The following MTMR3 variants were observed in gnomAD, a reference collection of about 807,000 sequenced individuals.
The protein encoded by MTMR3 is phosphatidylinositol-3,5-bisphosphate 3-phosphatase MTMR3.
A neutral mutation model predicts 132.4 loss-of-function variants in MTMR3; 32 were observed. The ratio of observed to expected loss-of-function variants is 0.24; its 90% CI spans 0.18 to 0.32. The LOEUF (loss-of-function observed/expected upper bound fraction) is 0.32, where lower values mean the gene tolerates loss of function less well. Among genes scored for constraint, MTMR3 ranks in the 10% least tolerant of loss-of-function variants. The pLI, the probability that MTMR3 is intolerant of heterozygous loss-of-function variation, is 1.00. For synonymous variants in MTMR3, 556 were observed against 550.3 expected (o/e 1.01, Z -0.14); for missense variants, 1,216 against 1,489.6 (o/e 0.82, Z 3.02).
chr22:29,970,403 A>T (rs2066509089), intron 2 of MTMR3, among the ~76,000 whole-genome samples: 2 of 151,810 alleles, frequency 1.3e-5, no homozygotes, highest in South Asian at 4.2e-4. Flanking sequence ...GTGTAATCAC[A>T]GCATACTACA....
chr22:29,947,216 A>G (rs1252628474), intron 1 of MTMR3, among the ~76,000 whole-genome samples: 1 of 152,152 alleles, frequency 6.6e-6, no homozygotes, highest in Non-Finnish European at 1.5e-5. Flanking sequence ...TCCTTTGACA[A>G]ATGATTTTTA....
chr22:30,024,043 C>T (rs903726778), intron 19 of MTMR3: 1 of 153,214 alleles, frequency 6.5e-6, no homozygotes, highest in African/African-American at 2.4e-5. Flanking sequence ...GCCTATAATC[C>T]TAGCACTTTG....
intron 2 of MTMR3, among the ~76,000 whole-genome samples, chr22:29,966,955 T>C (rs2066433414): frequency 6.6e-6 from 1 of 152,162 alleles, no homozygotes; most frequent in African/African-American, 2.4e-5. Flanking sequence ...ATATGTTTCT[T>C]ACATTCCAGT....
At chr22:29,985,448 C>G (rs1308535635) in intron 5 of MTMR3, 1 of 152,190 alleles carries the variant, frequency 6.6e-6, no homozygotes, top group Non-Finnish European at 1.5e-5. Flanking sequence ...TGCAGTGAAC[C>G]AAGATCGCGC....
intron 1 of MTMR3, among the ~76,000 whole-genome samples, chr22:29,926,734 C>A (rs964354711): frequency 1.3e-5 from 2 of 152,080 alleles, no homozygotes; most frequent in Non-Finnish European, 2.9e-5. Context: ...TAATTTGGAA[C>A]TTAAATTATT....
At chr22:29,944,949 A>G (rs901494018) in intron 1 of MTMR3, among the ~76,000 whole-genome samples, 2 of 152,242 alleles carry the variant, frequency 1.3e-5, no homozygotes, top group Non-Finnish European at 2.9e-5. Flanking sequence ...GTGATTTATA[A>G]TAATAGCAGA....
chr22:29,978,277 T>A (rs1416650825), intron 3 of MTMR3, 165 bp from the exon 4 acceptor site: 6 of 489,846 alleles, frequency 1.2e-5, no homozygotes, highest in African/African-American at 1.2e-4. Context: ...ACTAATGTAT[T>A]GGATAGAAAA....
chr22:29,944,649 T>C (rs951789296), intron 1 of MTMR3, among the ~76,000 whole-genome samples: 2 of 152,226 alleles, frequency 1.3e-5, no homozygotes, highest in East Asian at 1.9e-4. Context: ...TTATTTCTGT[T>C]ACATTTTAAA....
intron 11 of MTMR3, 32 bp downstream of exon 11, chr22:30,008,064 T>G (rs1468972665): frequency 6.2e-7 from 1 of 1,607,726 alleles, no homozygotes; most frequent in Admixed American, 1.7e-5. Context: ...TCCCCATACT[T>G]TCTCCTTGTG....
intron 1 of MTMR3, among the ~76,000 whole-genome samples, chr22:29,892,261 T>C (rs1391978896): frequency 6.6e-6 from 1 of 152,168 alleles, no homozygotes; most frequent in Non-Finnish European, 1.5e-5. Flanking sequence ...TGGCTGAATT[T>C]GAAAAGGACA....
In MTMR3 at chr22:29,895,929, C is replaced by T. The variant is rs143611304; in HGVS notation, c.-138+12570C>T. Among the ~76,000 whole-genome samples the T allele has an allele frequency of 4.5e-3, 686 of 152,252 alleles. 6 individuals are homozygous for T. Among genetic ancestry groups the T allele is most frequent in the African/African-American group, 0.015 (644 of 41,554 alleles). On this transcript the variant is annotated intron_variant, in intron 1 of 19. Transcript: ENST00000401950. ...ATCCAACCAAGAAATGGTTCGTCGT[C>T]GTTACGTAGAATAAGAGAAGACAAC...
chr22:30,005,050 CTTT>C (rs2067247811), intron 9 of MTMR3: 1 of 152,224 alleles, frequency 6.6e-6, no homozygotes, highest in Non-Finnish European at 1.5e-5. Flanking sequence ...CAGTTCACAG[CTTT>C]TTCCTTTGTG....
At position 29,963,482 on chromosome 22, in the gene MTMR3, C is replaced by T. The variant is rs138654949; in HGVS notation, c.-85+6394C>T. Among the ~76,000 whole-genome samples, 105 of 149,794 alleles carry T rather than the reference C, an allele frequency of 7.0e-4. 2 individuals carry two copies. The East Asian group carries it at 0.015, about 22-fold the overall frequency. On this transcript the variant is annotated intron_variant, in intron 2 of 19. Coordinates refer to ENST00000401950, the MANE Select transcript of MTMR3 (RefSeq NM_021090.4). Reference sequence around the variant, plus strand: ...TCGGCTCACTGCAACCTCTGTCTCTCGGGTTCAAGTGATTCTCCTGCGTCA... The same window carrying T: ...TCGGCTCACTGCAACCTCTGTCTCTTGGGTTCAAGTGATTCTCCTGCGTCA...
intron 1 of MTMR3, among the ~76,000 whole-genome samples, chr22:29,947,439 A>T (rs1315353168): frequency 6.6e-6 from 1 of 151,706 alleles, no homozygotes; most frequent in Non-Finnish European, 1.5e-5. Flanking sequence ...GGTTTCTATT[A>T]GGCTGTATGT....
chr22:30,020,425 T>C lies in MTMR3; in HGVS notation c.2766T>C (p.Cys922=). 1 of 1,614,122 alleles carries C rather than the reference T, an allele frequency of 6.2e-7. No individual in the cohort carries two copies. Among genetic ancestry groups the C allele is most frequent in the Non-Finnish European group, 8.5e-7 (1 of 1,180,032 alleles). ...RSPCALPLAE[C]KEGLVCNGAP... The stretch of plus-strand genomic sequence containing the variant: ...CTTGTGCCTTGCCTTTAGCCGAATG[T>C]AAAGAGGGGCTTGTGTGCAATGGTG... The change falls in exon 17 of 20, where the codon TGT becomes TGC. Residue 922 remains cysteine (C), a synonymous_variant. Coordinates refer to ENST00000401950, the MANE Select transcript of MTMR3 (RefSeq NM_021090.4).
chr22:29,923,594 A>T (rs2065461615), intron 1 of MTMR3, among the ~76,000 whole-genome samples: 1 of 152,140 alleles, frequency 6.6e-6, no homozygotes, highest in Admixed American at 6.6e-5. Flanking sequence ...TAGTTTTCTC[A>T]GGCTACCATA....
At chr22:29,967,246 CGCGCAT>C (rs2066445437) in intron 2 of MTMR3, among the ~76,000 whole-genome samples, 1 of 149,662 alleles carries the variant, frequency 6.7e-6, no homozygotes, top group African/African-American at 2.5e-5. Context: ...TGCGCGCGCG[CGCGCAT>C]GTTTTTTAGA....
chr22:29,959,990 C>T lies in MTMR3; in HGVS notation c.-85+2902C>T, dbSNP rs113962709. Among the ~76,000 whole-genome samples, 808 of 152,112 alleles carry T rather than the reference C, an allele frequency of 5.3e-3. 3 individuals carry two copies. Among genetic ancestry groups the T allele is most frequent in the African/African-American group, 0.016 (679 of 41,482 alleles). On this transcript the variant is annotated intron_variant, in intron 2 of 19. Transcript: ENST00000401950. ...TTATGTTGCTCAGGGTGGTCTTGAA[C>T]TCCTGGGCCCAAGTGATCCTCCTGC...
At position 30,020,000 on chromosome 22, in the gene MTMR3, G is replaced by C. The variant is rs1398812902; in HGVS notation, c.2341G>C (p.Val781Leu). Residue 781 changes from valine to leucine, a missense_variant, in exon 17 of 20, where the codon GTC (valine) becomes CTC (leucine). Coordinates refer to ENST00000401950, the MANE Select transcript of MTMR3 (RefSeq NM_021090.4). Reference sequence around the variant, plus strand: ...CAGTGTTCTCCTCAGTTCTCTCCAGGTCCCCCCCAGGGGAGAGGATTCCCT... The same window carrying C: ...CAGTGTTCTCCTCAGTTCTCTCCAGCTCCCCCCCAGGGGAGAGGATTCCCT... ...GLSVLLSSLQVPPRGEDSLEV... is the reference protein window; with the variant it reads ...GLSVLLSSLQLPPRGEDSLEV... 3 of 1,614,060 alleles carry C rather than the reference G, an allele frequency of 1.9e-6. No individual in the cohort carries two copies. The South Asian group carries it at 3.3e-5, about 18-fold the overall frequency.
Sources: gnomAD v4.1 joint callset for allele counts (sites outside exome capture counted in the v4.1 genomes callset) on GRCh38, gnomAD v4.1.1 for gene constraint, MANE v1.5 for transcripts, NCBI Gene and HGNC (gene_info 2026-07-23, HGNC 2026-07-21) for gene names.